Variants in KLF7 observed in about 807,000 individuals in gnomAD.
KLF7 encodes Krueppel-like factor 7.
In KLF7, 2 loss-of-function variants were observed where a neutral mutation model predicts 27.3. That is an observed-to-expected ratio of 0.07 (90% confidence interval 0.03 to 0.23). The LOEUF is 0.23. Ranked by LOEUF, KLF7 falls within the 10% of genes least tolerant of loss-of-function variation. KLF7 has a pLI of 1.00. For missense variants in KLF7, 221 were observed against 394.1 expected (o/e 0.56, Z 3.72); for synonymous variants, 165 against 162.4 (o/e 1.02, Z -0.12).
At chr2:207,117,685 A>T (rs1257792428) in intron 2 of KLF7, among the ~76,000 whole-genome samples, 2 of 152,210 alleles carry the variant, frequency 1.3e-5, no homozygotes, top group South Asian at 2.1e-4. Flanking sequence ...ACACTGAGGT[A>T]TTAAATTTTA....
At chr2:207,127,902 T>G (rs150555601) in intron 1 of KLF7, among the ~76,000 whole-genome samples, 5,244 of 152,232 alleles carry the variant, frequency 0.034, 135 homozygotes, top group Middle Eastern at 0.099. Flanking sequence ...TCCTCATGGA[T>G]TTTAATATAC....
intron 2 of KLF7, among the ~76,000 whole-genome samples, chr2:207,118,326 T>C (rs567356035): frequency 3.3e-5 from 5 of 152,240 alleles, no homozygotes; most frequent in Admixed American, 2.0e-4. Context: ...GTAACGATAA[T>C]AGGCCTGGAA....
chr2:207,085,756 T>C (rs1245516907), intron 3 of KLF7, among the ~76,000 whole-genome samples: 2 of 152,120 alleles, frequency 1.3e-5, no homozygotes, highest in Non-Finnish European at 2.9e-5. Flanking sequence ...AGCGGGACAA[T>C]ACTTGGCAAC....
At chr2:207,095,354 T>TA (rs2076606115) in intron 2 of KLF7, among the ~76,000 whole-genome samples, 1 of 152,202 alleles carries the variant, frequency 6.6e-6, no homozygotes, top group Non-Finnish European at 1.5e-5. Flanking sequence ...GGCCTGTTTT[T>TA]GTTCTTAAAA....
chr2:207,132,836 C>T (rs2077673802), intron 1 of KLF7, among the ~76,000 whole-genome samples: 1 of 152,224 alleles, frequency 6.6e-6, no homozygotes, highest in Admixed American at 6.5e-5. Flanking sequence ...AATGCATTTT[C>T]CTCATTCATT....
In KLF7 at chr2:207,074,938, C is replaced by CAG. The variant is rs1336503239; in HGVS notation, c.*6274_*6275insCT. On this transcript the variant is annotated 3_prime_UTR_variant, in exon 4 of 4. Transcript: ENST00000309446. Reference sequence around the variant, plus strand: ...ATACACACATACGCACACACACACACAACTTCCCAAACGAAGATAACCTAA... The same window carrying CAG: ...ATACACACATACGCACACACACACACAGAACTTCCCAAACGAAGATAACCTAA... 5 of 152,152 alleles carry CAG rather than the reference C, an allele frequency of 3.3e-5. No individual in the cohort carries two copies. The highest frequency in any genetic ancestry group is 7.3e-5 in the Non-Finnish European group (5 of 68,032). The allele number at this position is 152,152 out of a possible 1,614,324, so 9.4% of individuals were successfully genotyped here.
chr2:207,098,747 C>G (rs893637206), intron 2 of KLF7, among the ~76,000 whole-genome samples: 1 of 149,426 alleles, frequency 6.7e-6, no homozygotes, highest in Non-Finnish European at 1.5e-5. Flanking sequence ...GTAGCTGGGA[C>G]TACAGGCTCT....
At position 207,152,600 on chromosome 2, in the gene KLF7, G is replaced by C. The variant is rs561075057; in HGVS notation, c.102+12867C>G. Among the ~76,000 whole-genome samples the C allele has an allele frequency of 3.2e-4, 49 of 152,254 alleles. 1 individual carries two copies. The South Asian group carries it at 0.01, about 32-fold the overall frequency. On this transcript the variant is annotated intron_variant, in intron 1 of 3. Coordinates refer to ENST00000309446, the MANE Select transcript of KLF7 (RefSeq NM_003709.4). ...GATGGTCTTTTCCATCCCAGATTTCGATGATCTACAACAGAACCTGAATGA... is the reference window on the plus strand; with the variant it reads ...GATGGTCTTTTCCATCCCAGATTTCCATGATCTACAACAGAACCTGAATGA...
At position 207,108,340 on chromosome 2, in the gene KLF7, G is replaced by A. The variant is rs935623849; in HGVS notation, c.733+15434C>T. Among the ~76,000 whole-genome samples the A allele has an allele frequency of 2.6e-5, 4 of 152,266 alleles. No homozygotes were observed. The East Asian group carries it at 5.8e-4, about 22-fold the overall frequency. On this transcript the variant is annotated intron_variant, in intron 2 of 3. Transcript: ENST00000309446. ...ATTATCAAATTGGGTTGGGGGCCCC[G>A]CCAATTCTAACGACTTATTAAGATT... is the stretch of plus-strand genomic sequence containing the variant.
chr2:207,106,141 T>C (rs2076878316), intron 2 of KLF7, among the ~76,000 whole-genome samples: 2 of 152,216 alleles, frequency 1.3e-5, no homozygotes, highest in South Asian at 2.1e-4. Flanking sequence ...ACATTTCTAT[T>C]GGAAAGTGGT....
At chr2:207,151,294 A>C (rs2078240370) in intron 1 of KLF7, among the ~76,000 whole-genome samples, 1 of 152,182 alleles carries the variant, frequency 6.6e-6, no homozygotes, top group South Asian at 2.1e-4. Flanking sequence ...GAATATGTTT[A>C]AAATATTGCA....
intron 2 of KLF7, among the ~76,000 whole-genome samples, chr2:207,096,759 CCA>C (rs2076641210): frequency 6.6e-6 from 1 of 152,162 alleles, no homozygotes; most frequent in Non-Finnish European, 1.5e-5. Flanking sequence ...GCCACTTTAT[CCA>C]CAGTGGCTAG....
chr2:207,103,995 A>G (rs1384286744), intron 2 of KLF7, among the ~76,000 whole-genome samples: 2 of 152,222 alleles, frequency 1.3e-5, no homozygotes, highest in Non-Finnish European at 2.9e-5. Flanking sequence ...AGATGGTTAG[A>G]GATCAGTTTG....
At position 207,076,757 on chromosome 2, in the gene KLF7, G is replaced by GAAATTTAA. The variant is rs2076183102; in HGVS notation, c.*4455_*4456insTTAAATTT. The GAAATTTAA allele has an allele frequency of 6.6e-6, 1 of 152,128 alleles. No homozygotes were observed. The highest frequency in any genetic ancestry group is 2.4e-5 in the African/African-American group (1 of 41,420). 9.4% of individuals were successfully genotyped at this position (152,128 alleles called of 1,614,324 possible). On this transcript the variant is annotated 3_prime_UTR_variant, in exon 4 of 4. Coordinates refer to ENST00000309446, the MANE Select transcript of KLF7 (RefSeq NM_003709.4). ...AGTTTTCAAACTGAGATATCACCAT[G>GAAATTTAA]TTCACCGAAATTTAATCCAGACACC...
At chr2:207,116,600 C>T (rs959795774) in intron 2 of KLF7, among the ~76,000 whole-genome samples, 7 of 152,066 alleles carry the variant, frequency 4.6e-5, no homozygotes, top group African/African-American at 1.7e-4. Flanking sequence ...TACAGGATAA[C>T]CATGATCATG....
At chr2:207,166,027 T>TCCCTTCCCTC, upstream of KLF7, 16 of 254,860 alleles carry the variant, frequency 6.3e-5, no homozygotes, top group Non-Finnish European at 7.8e-5. Flanking sequence ...TCCCCCCCCT[T>TCCCTTCCCTC]CCCTTCCCTC....
chr2:207,095,225 A>C (rs765186264), intron 2 of KLF7, among the ~76,000 whole-genome samples: 2 of 151,096 alleles, frequency 1.3e-5, no homozygotes, highest in Non-Finnish European at 3.0e-5. Flanking sequence ...TTTTTTTGTA[A>C]TTTTAGTGGA....
chr2:207,098,137 G>A (rs1007344462), intron 2 of KLF7, among the ~76,000 whole-genome samples: 3 of 152,064 alleles, frequency 2.0e-5, no homozygotes, highest in African/African-American at 7.2e-5. Flanking sequence ...AGTTTAATTT[G>A]CTTGCCTTTT....
chr2:207,088,148 C>A (rs1339985192), intron 3 of KLF7, among the ~76,000 whole-genome samples: 1 of 152,200 alleles, frequency 6.6e-6, no homozygotes, highest in African/African-American at 2.4e-5. Flanking sequence ...CTCTGTCTCA[C>A]TACTTTTCAT....
Sources: allele counts gnomAD v4.1 joint callset (sites outside exome capture counted in the v4.1 genomes callset), GRCh38; gene constraint gnomAD v4.1.1; transcripts MANE v1.5; gene names NCBI Gene and HGNC (gene_info 2026-07-23, HGNC 2026-07-21).